MYO5C: variants seen among roughly 807,000 people sequenced by gnomAD.
MYO5C encodes unconventional myosin-Vc.
MYO5C carries 194 observed loss-of-function variants against 235.7 expected under a neutral mutation model. That is an observed-to-expected ratio of 0.82 (90% confidence interval 0.73 to 0.93). The LOEUF is 0.93. Ranked by LOEUF, MYO5C falls within the 40% of genes least tolerant of loss-of-function variation. The pLI is 0.00. For synonymous variants in MYO5C, 707 were observed against 754.8 expected (o/e 0.94, Z 1.04); for missense variants, 2,038 against 2,127.2 (o/e 0.96, Z 0.82).
chr15:52,234,341 A>G (rs1396661953), intron 23 of MYO5C, among the ~76,000 whole-genome samples: 1 of 152,246 alleles, frequency 6.6e-6, no homozygotes, highest in African/African-American at 2.4e-5. Context: ...CAGTTTATAA[A>G]TATTACATTG....
intron 38 of MYO5C, among the ~76,000 whole-genome samples, chr15:52,202,369 C>A (rs1161365525): frequency 6.6e-6 from 1 of 151,944 alleles, no homozygotes; most frequent in East Asian, 1.9e-4. Context: ...AGAGTGAGAC[C>A]CCCATCTCAA....
chr15:52,198,098 C>T (rs909527852), intron 38 of MYO5C, among the ~76,000 whole-genome samples: 4 of 151,552 alleles, frequency 2.6e-5, no homozygotes, highest in African/African-American at 7.3e-5. Flanking sequence ...TTTGGGAGAC[C>T]GAGGCAGGCT....
chr15:52,214,389 C>T (rs1196803651), intron 33 of MYO5C, among the ~76,000 whole-genome samples: 1 of 152,158 alleles, frequency 6.6e-6, no homozygotes, highest in Non-Finnish European at 1.5e-5. Flanking sequence ...ATGTCTCTTG[C>T]GAGTACATGA....
chr15:52,278,295 C>G (rs941452267), intron 4 of MYO5C, among the ~76,000 whole-genome samples: 10 of 152,182 alleles, frequency 6.6e-5, no homozygotes, highest in African/African-American at 2.2e-4. Flanking sequence ...TTCCCTGAAG[C>G]TGTTTACTGC....
chr15:52,286,977 T>TAACAAACA (rs10622518), intron 1 of MYO5C, among the ~76,000 whole-genome samples: 207 of 139,888 alleles, frequency 1.5e-3, no homozygotes, highest in Middle Eastern at 3.8e-3. Flanking sequence ...AAAGAAAAAC[T>TAACAAACA]AACAAACAAA....
Position 52,213,836 on chromosome 15 carries a change from CGGG to C in MYO5C, c.4043-553_4043-551del, listed in dbSNP as rs758257479. On this transcript the variant is annotated intron_variant, in intron 33 of 40. Transcript: ENST00000261839. Reference sequence around the variant, plus strand: ...ATTCATCCCAGCAGTGGGGATGCAGCGGGGGCTGGGAAGCACAGACCTGGGCCC... The same window carrying C: ...ATTCATCCCAGCAGTGGGGATGCAGCGGCTGGGAAGCACAGACCTGGGCCC... Among the ~76,000 whole-genome samples the C allele has an allele frequency of 3.3e-5, 5 of 152,226 alleles. No individual in the cohort carries two copies. In the East Asian group the frequency reaches 5.8e-4, roughly 18 times the overall value.
At chr15:52,248,322 T>C (rs1395933121) in intron 14 of MYO5C, among the ~76,000 whole-genome samples, 1 of 152,062 alleles carries the variant, frequency 6.6e-6, no homozygotes, top group Non-Finnish European at 1.5e-5. Context: ...TTTTTTATAT[T>C]TTTAGAAGAG....
intron 25 of MYO5C, among the ~76,000 whole-genome samples, chr15:52,228,301 G>A (rs925777628): frequency 1.3e-5 from 2 of 152,042 alleles, no homozygotes; most frequent in Admixed American, 6.6e-5. Flanking sequence ...CTGCCACCAC[G>A]CCCAGCCAAT....
intron 13 of MYO5C, among the ~76,000 whole-genome samples, chr15:52,250,050 G>C (rs2036438929): frequency 6.6e-6 from 1 of 152,114 alleles, no homozygotes; most frequent in Non-Finnish European, 1.5e-5. Flanking sequence ...ACCCTTGAAA[G>C]AAATCCCATA....
intron 1 of MYO5C, among the ~76,000 whole-genome samples, chr15:52,285,439 C>CTCTCCCTCCTCTCCCTCTCCCG (rs1566995073): frequency 2.8e-4 from 41 of 145,094 alleles, no homozygotes; most frequent in Non-Finnish European, 5.3e-4. Flanking sequence ...CTCCCTCTCC[C>CTCTCCCTCCTCTCCCTCTCCCG]TCTCCCTCCT....
At chr15:52,292,911 A>AG (rs1056925812) in intron 1 of MYO5C, among the ~76,000 whole-genome samples, 3 of 152,238 alleles carry the variant, frequency 2.0e-5, no homozygotes, top group African/African-American at 7.2e-5. Context: ...CAAGGCATTG[A>AG]GGGAATGGCA....
At chr15:52,231,766 G>A (rs2035956093) in intron 24 of MYO5C, among the ~76,000 whole-genome samples, 1 of 152,064 alleles carries the variant, frequency 6.6e-6, no homozygotes, top group South Asian at 2.1e-4. Flanking sequence ...CTCTTTCCGG[G>A]ACCCTGCCAT....
rs1566971761 is a variant in MYO5C, at chr15:52,232,621, C to T, written c.3026+1G>A. On this transcript the variant is annotated splice_donor_variant, in intron 24 of 40. Transcript: ENST00000261839. LOFTEE classifies it high-confidence loss of function. ...GCTTTAAGGCAAACTAGATTCCATA[C>T]ATTCTTTGCCGTTCTTCCTTTTGTA... 2.5e-6 allele frequency: 4 copies of T among 1,613,380 alleles called. No individual in the cohort carries two copies. The highest frequency in any genetic ancestry group is 2.7e-5 in the African/African-American group (2 of 74,848).
intron 29 of MYO5C, 145 bp downstream of exon 29, chr15:52,223,399 T>A (rs1596156909): frequency 2.7e-6 from 2 of 736,210 alleles, no homozygotes; most frequent in East Asian, 5.4e-5. Flanking sequence ...CATTTTATAG[T>A]TTAATCACCA....
intron 14 of MYO5C, 141 bp downstream of exon 14, chr15:52,248,559 G>A (rs2036402360): frequency 1.7e-6 from 1 of 592,528 alleles, no homozygotes; most frequent in African/African-American, 1.9e-5. Context: ...GAATCTGTGA[G>A]CTACAACTTA....
intron 22 of MYO5C, chr15:52,237,143 G>C: frequency 5.9e-6 from 1 of 170,542 alleles, no homozygotes; most frequent in East Asian, 1.7e-4. Context: ...ACATTTCCAG[G>C]GCATAGACCT....
chr15:52,231,868 T>C (rs1433701729), intron 24 of MYO5C, among the ~76,000 whole-genome samples: 1 of 152,110 alleles, frequency 6.6e-6, no homozygotes, highest in Non-Finnish European at 1.5e-5. Context: ...GGGTTTGCTA[T>C]TGAGATAGGA....
Position 52,214,593 on chromosome 15 carries a change from T to C in MYO5C, c.4042+10A>G, listed in dbSNP as rs746318067. The stretch of plus-strand genomic sequence containing the variant: ...CTCAAAAGAATAAGAAAACAAGTAT[T>C]GTTTCTTACCTTTTCCAATTGTCTT... On this transcript the variant is annotated intron_variant, in intron 33 of 40. Transcript: ENST00000261839. The C allele has an allele frequency of 4.5e-6, 7 of 1,572,752 alleles. No homozygotes were observed. The African/African-American group carries it at 8.2e-5, about 18-fold the overall frequency.
Position 52,282,907 on chromosome 15 carries a change from G to A in MYO5C, c.28-15C>T, listed in dbSNP as rs2140862237. On this transcript the variant is annotated splice_polypyrimidine_tract_variant and intron_variant, in intron 1 of 40. Transcript: ENST00000261839. Reference sequence around the variant, plus strand: ...ACCCTGTTGTACTGACCAACAGGATGAGAAAAGCTGAATTTCAGGACTTCC... The same window carrying A: ...ACCCTGTTGTACTGACCAACAGGATAAGAAAAGCTGAATTTCAGGACTTCC... 2 of 1,539,714 alleles carry A rather than the reference G, an allele frequency of 1.3e-6. No individual in the cohort carries two copies. The highest frequency in any genetic ancestry group is 1.8e-6 in the Non-Finnish European group (2 of 1,112,284).
Sources: gnomAD v4.1 joint callset for allele counts (sites outside exome capture counted in the v4.1 genomes callset) on GRCh38, gnomAD v4.1.1 for gene constraint, MANE v1.5 for transcripts, NCBI Gene and HGNC (gene_info 2026-07-23, HGNC 2026-07-21) for gene names.